The following SV2C variants were observed in gnomAD, a reference collection of about 807,000 sequenced individuals.
The protein encoded by SV2C is synaptic vesicle glycoprotein 2C.
In SV2C, 49 loss-of-function variants were observed where a neutral mutation model predicts 79.7. The ratio of observed to expected loss-of-function variants is 0.61; its 90% confidence interval spans 0.49 to 0.78. The LOEUF (loss-of-function observed/expected upper bound fraction) is 0.78, where lower values mean the gene tolerates loss of function less well. SV2C is among the 30% of genes least tolerant of loss of function. The probability of loss-of-function intolerance (pLI) is 0.00; values close to 1 mark genes in which losing one functional copy is unlikely to be tolerated. For synonymous variants in SV2C, 334 were observed against 333.2 expected (o/e 1.00, Z -0.03); for missense variants, 833 against 912.9 (o/e 0.91, Z 1.13).
In SV2C at chr5:76,255,686, G is replaced by A. The variant is rs142332740; in HGVS notation, c.914-29476G>A. ...TCAGCACCGTGCCTGTGAAAGCCAAGCCCCTCACCTGGTGAAATCGTTATC... is the reference window on the plus strand; with the variant it reads ...TCAGCACCGTGCCTGTGAAAGCCAAACCCCTCACCTGGTGAAATCGTTATC... On this transcript the variant is annotated intron_variant, in intron 4 of 12. Transcript: ENST00000502798. Among the ~76,000 whole-genome samples, 250 of 152,272 alleles carry A rather than the reference G, an allele frequency of 1.6e-3. 1 individual carries two copies. In the Middle Eastern group the frequency reaches 0.017, roughly 10 times the overall value.
At chr5:76,033,109 G>GTT in the SV2C span, among the ~76,000 whole-genome samples, 3 of 152,010 alleles carry the variant, frequency 2.0e-5, no homozygotes, top group South Asian at 6.2e-4. Flanking sequence ...TTTTTTTCTT[G>GTT]TAAATTTGTT....
the SV2C span, among the ~76,000 whole-genome samples, chr5:75,928,041 T>A: frequency 6.6e-6 from 1 of 152,216 alleles, no homozygotes; most frequent in African/African-American, 2.4e-5. Context: ...ATGCTCACAC[T>A]TTCCTCCTTT....
chr5:75,952,872 A>T, the SV2C span, among the ~76,000 whole-genome samples: 7 of 151,992 alleles, frequency 4.6e-5, no homozygotes, highest in Admixed American at 3.9e-4. Flanking sequence ...TATTATTATA[A>T]TGCCTCACAA....
the SV2C span, among the ~76,000 whole-genome samples, chr5:75,874,236 A>G: frequency 6.6e-6 from 1 of 152,340 alleles, no homozygotes; most frequent in Admixed American, 6.5e-5. Flanking sequence ...CCTGGGATGC[A>G]AGGTTGGTTC....
At chr5:76,174,345 G>A (rs569866741) in intron 2 of SV2C, among the ~76,000 whole-genome samples, 1 of 152,374 alleles carries the variant, frequency 6.6e-6, no homozygotes, top group East Asian at 1.9e-4. Flanking sequence ...CCTGAATCTG[G>A]GCGAGGTTTT....
At chr5:75,870,091 C>T in the SV2C span, among the ~76,000 whole-genome samples, 2 of 152,084 alleles carry the variant, frequency 1.3e-5, no homozygotes, top group Non-Finnish European at 2.9e-5. Context: ...TCTTCCATGC[C>T]CAGACACAGA....
chr5:75,866,754 T>C, the SV2C span, among the ~76,000 whole-genome samples: 2 of 152,110 alleles, frequency 1.3e-5, no homozygotes, highest in Non-Finnish European at 2.9e-5. Context: ...GCCTAGAATT[T>C]ATGCCATAAG....
intron 1 of SV2C, among the ~76,000 whole-genome samples, chr5:76,100,693 T>C (rs759726528): frequency 2.0e-5 from 3 of 152,164 alleles, no homozygotes; most frequent in Admixed American, 6.5e-5. Flanking sequence ...ATCAGCCCTG[T>C]GCAACAGAGT....
At chr5:76,320,659 G>A (rs946538310) in intron 12 of SV2C, among the ~76,000 whole-genome samples, 6 of 152,086 alleles carry the variant, frequency 3.9e-5, no homozygotes, top group Non-Finnish European at 4.4e-5. Flanking sequence ...AGGTGGGGAC[G>A]GGGTCATTCT....
rs939981056 is a variant in SV2C, at chr5:76,325,733, G to GTTTGT, written c.*199_*203dup. On this transcript the variant is annotated 3_prime_UTR_variant, in exon 13 of 13. Transcript: ENST00000502798. Reference sequence around the variant, plus strand: ...CTTTGTGATTTTGCACAGGTTGTTTGTTTGTTTTGTTTTGTTTGAATGCAT... The same window carrying GTTTGT: ...CTTTGTGATTTTGCACAGGTTGTTTGTTTGTTTTGTTTTGTTTTGTTTGAATGCAT... The GTTTGT allele has an allele frequency of 2.0e-5, 16 of 795,296 alleles. No homozygotes were observed. The highest frequency in any genetic ancestry group is 1.8e-4 in the African/African-American group (10 of 57,064). The allele number at this position is 795,296 out of a possible 1,614,324, so 49.3% of individuals were successfully genotyped here.
the SV2C span, among the ~76,000 whole-genome samples, chr5:76,062,247 T>C: frequency 6.6e-6 from 1 of 152,084 alleles, no homozygotes; most frequent in Non-Finnish European, 1.5e-5. Context: ...TGTAACAATA[T>C]TAAGGGGTGG....
the SV2C span, among the ~76,000 whole-genome samples, chr5:75,956,015 A>G: frequency 6.8e-6 from 1 of 147,534 alleles, no homozygotes; most frequent in African/African-American, 2.5e-5. Flanking sequence ...AGAACTAGAA[A>G]TACCATTTGA....
At chr5:76,183,493 A>G (rs1424217865) in intron 2 of SV2C, among the ~76,000 whole-genome samples, 1 of 151,950 alleles carries the variant, frequency 6.6e-6, no homozygotes, top group Non-Finnish European at 1.5e-5. Flanking sequence ...CAAATATCCA[A>G]AGTATATCAC....
chr5:75,882,906 C>T, the SV2C span, among the ~76,000 whole-genome samples: 3 of 151,946 alleles, frequency 2.0e-5, no homozygotes, highest in Admixed American at 6.6e-5. Context: ...AAGAGGCAAC[C>T]TACAAAATGG....
chr5:76,085,348 A>C (rs1747149990), intron 1 of SV2C, among the ~76,000 whole-genome samples: 1 of 152,240 alleles, frequency 6.6e-6, no homozygotes, highest in South Asian at 2.1e-4. Context: ...TGGCATAAAA[A>C]TACGCGTTAA....
intron 2 of SV2C, among the ~76,000 whole-genome samples, chr5:76,167,239 C>T (rs761299115): frequency 2.6e-5 from 4 of 152,148 alleles, no homozygotes; most frequent in Non-Finnish European, 5.9e-5. Flanking sequence ...ATTTCTATTC[C>T]TTGTTCTATT....
At chr5:76,021,654 T>C in the SV2C span, among the ~76,000 whole-genome samples, 1 of 152,218 alleles carries the variant, frequency 6.6e-6, no homozygotes, top group Non-Finnish European at 1.5e-5. Flanking sequence ...TTTAGGTGTT[T>C]ATCCAGTAAC....
At chr5:75,886,591 A>G in the SV2C span, among the ~76,000 whole-genome samples, 1 of 152,168 alleles carries the variant, frequency 6.6e-6, no homozygotes, top group Admixed American at 6.6e-5. Flanking sequence ...TTCTGGCTTT[A>G]AGCAGATATT....
At chr5:76,269,176 A>G (rs1746764990) in intron 4 of SV2C, among the ~76,000 whole-genome samples, 1 of 152,196 alleles carries the variant, frequency 6.6e-6, no homozygotes, top group Admixed American at 6.5e-5. Context: ...AGTAGCATCC[A>G]TGGCCTCTAC....
Sources: allele counts gnomAD v4.1 joint callset (sites outside exome capture counted in the v4.1 genomes callset), GRCh38; gene constraint gnomAD v4.1.1; transcripts MANE v1.5; gene names NCBI Gene and HGNC (gene_info 2026-07-23, HGNC 2026-07-21).